ARHGAP32: variants seen among roughly 807,000 people sequenced by gnomAD.
The protein encoded by ARHGAP32 is rho GTPase-activating protein 32.
A neutral mutation model predicts 186.5 loss-of-function variants in ARHGAP32; 51 were observed. The observed-to-expected ratio is 0.27, with a 90% CI of 0.22 to 0.35. The LOEUF (loss-of-function observed/expected upper bound fraction) is 0.35. ARHGAP32 is among the 10% of genes least tolerant of loss of function. The probability of loss-of-function intolerance (pLI) is 1.00; values close to 1 mark genes in which losing one functional copy is unlikely to be tolerated. For missense variants in ARHGAP32, 2,186 were observed against 2,623.5 expected (o/e 0.83, Z 3.64); for synonymous variants, 950 against 964.3 (o/e 0.99, Z 0.27).
At chr11:128,984,594 TAA>T (rs1945807688) in intron 15 of ARHGAP32, among the ~76,000 whole-genome samples, 1 of 152,066 alleles carries the variant, frequency 6.6e-6, no homozygotes, top group Non-Finnish European at 1.5e-5. Flanking sequence ...CACACACATA[TAA>T]GTTATAGTGA....
chr11:129,151,193 A>G (rs1301702434), intron 2 of ARHGAP32, among the ~76,000 whole-genome samples: 2 of 152,206 alleles, frequency 1.3e-5, no homozygotes, highest in Non-Finnish European at 2.9e-5. Flanking sequence ...AATCCTAAAT[A>G]TATACGCACT....
At chr11:129,234,476 C>T (rs1025186935) in intron 1 of ARHGAP32, among the ~76,000 whole-genome samples, 4 of 151,806 alleles carry the variant, frequency 2.6e-5, no homozygotes, top group African/African-American at 4.8e-5. Flanking sequence ...GTTTAGGTGA[C>T]GAGCACATGA....
chr11:128,996,782 GA>G (rs1233446079), intron 12 of ARHGAP32, among the ~76,000 whole-genome samples: 3 of 151,698 alleles, frequency 2.0e-5, no homozygotes, highest in African/African-American at 7.3e-5. Context: ...CCTTTAAAAA[GA>G]AAATTTTTTT....
At chr11:129,257,585 G>A (rs1364908849) in intron 1 of ARHGAP32, among the ~76,000 whole-genome samples, 3 of 151,642 alleles carry the variant, frequency 2.0e-5, no homozygotes, top group African/African-American at 7.3e-5. Context: ...TCCAGACTGG[G>A]CAACATAACA....
intron 6 of ARHGAP32, among the ~76,000 whole-genome samples, chr11:129,079,743 C>T (rs1162016266): frequency 6.6e-6 from 1 of 152,062 alleles, no homozygotes; most frequent in Non-Finnish European, 1.5e-5. Flanking sequence ...TAGAATAGTA[C>T]ATCACATCTC....
chr11:129,044,891 A>AG (rs1939745821), intron 10 of ARHGAP32, among the ~76,000 whole-genome samples: 1 of 152,092 alleles, frequency 6.6e-6, no homozygotes, highest in African/African-American at 2.4e-5. Context: ...TTTTGGCAAA[A>AG]AAAAAAAAAA....
intron 12 of ARHGAP32, among the ~76,000 whole-genome samples, chr11:128,991,201 C>T (rs1299903777): frequency 1.6e-4 from 25 of 152,064 alleles, no homozygotes; most frequent in Admixed American, 1.6e-3. Flanking sequence ...GATAATATGT[C>T]CAAGTCTCTA....
intron 5 of ARHGAP32, among the ~76,000 whole-genome samples, chr11:129,111,430 G>A (rs1184405532): frequency 6.6e-6 from 1 of 152,200 alleles, no homozygotes; most frequent in African/African-American, 2.4e-5. Context: ...GAGTTAGGGA[G>A]AATTCTCTCC....
At chr11:129,268,149 C>T (rs1945429449) in intron 1 of ARHGAP32, among the ~76,000 whole-genome samples, 1 of 151,982 alleles carries the variant, frequency 6.6e-6, no homozygotes, top group Admixed American at 6.6e-5. Flanking sequence ...AGGGATGGGC[C>T]TGAAAAATAA....
chr11:129,252,047 CAAT>C (rs1483217701), intron 1 of ARHGAP32, among the ~76,000 whole-genome samples: 2 of 151,028 alleles, frequency 1.3e-5, no homozygotes, highest in Non-Finnish European at 3.0e-5. Flanking sequence ...ATTATAATTA[CAAT>C]AATTCAAATA....
chr11:129,158,367 G>A (rs1322987320), intron 2 of ARHGAP32, among the ~76,000 whole-genome samples: 2 of 149,898 alleles, frequency 1.3e-5, no homozygotes, highest in African/African-American at 4.9e-5. Context: ...ATAAAGGGAA[G>A]GAGGAAGATT....
chr11:129,000,261 T>C (rs918453867), intron 11 of ARHGAP32, among the ~76,000 whole-genome samples: 2 of 152,182 alleles, frequency 1.3e-5, no homozygotes, highest in African/African-American at 4.8e-5. Context: ...CACCGACTGA[T>C]ACATTAGAAA....
chr11:129,012,135 C>T (rs993358531), intron 11 of ARHGAP32, among the ~76,000 whole-genome samples: 2 of 152,110 alleles, frequency 1.3e-5, no homozygotes, highest in East Asian at 3.8e-4. Flanking sequence ...AAAAGGACCA[C>T]GTGCTTAGTG....
At chr11:129,083,353 T>TA (rs2135229447) in intron 6 of ARHGAP32, among the ~76,000 whole-genome samples, 1 of 152,208 alleles carries the variant, frequency 6.6e-6, no homozygotes, top group South Asian at 2.1e-4. Flanking sequence ...AATGAGTAGA[T>TA]AAAGAAAATG....
At chr11:129,232,321 C>A (rs370350015) in intron 1 of ARHGAP32, among the ~76,000 whole-genome samples, 14 of 152,190 alleles carry the variant, frequency 9.2e-5, no homozygotes, top group African/African-American at 2.9e-4. Context: ...AAGAAAAGCA[C>A]CTGAGTGACT....
At chr11:129,058,288 C>A (rs1940347208) in intron 10 of ARHGAP32, among the ~76,000 whole-genome samples, 3 of 151,408 alleles carry the variant, frequency 2.0e-5, no homozygotes. Context: ...ATTATTTGCC[C>A]CCATCCATAT....
At chr11:129,134,315 A>C (rs1942889239) in intron 2 of ARHGAP32, among the ~76,000 whole-genome samples, 1 of 152,180 alleles carries the variant, frequency 6.6e-6, no homozygotes, top group African/African-American at 2.4e-5. Flanking sequence ...TAAAGTTTCA[A>C]ATTTGGTACC....
rs542426829 is a variant in ARHGAP32 at position 129,043,625 on chromosome 11, T to C, written c.964-2616A>G. ...CTGGTCGTGAACTCCCAACCTCAGG[T>C]GATCTACTCACCTTGGCCTCCCAAA... On this transcript the variant is annotated intron_variant, in intron 10 of 22. Coordinates refer to ENST00000682385, the MANE Select transcript of ARHGAP32 (RefSeq NM_001378024.1). Among the ~76,000 whole-genome samples the C allele has an allele frequency of 3.9e-5, 6 of 152,174 alleles. 1 individual carries two copies. The highest frequency in any genetic ancestry group is 1.9e-4 in the East Asian group (1 of 5,160).
In ARHGAP32 at chr11:128,969,082, T is replaced by C. The variant is rs893835314; in HGVS notation, c.6131A>G (p.His2044Arg). 1 of 1,607,632 alleles carries C rather than the reference T, an allele frequency of 6.2e-7. No individual in the cohort carries two copies. Among genetic ancestry groups the C allele is most frequent in the African/African-American group, 1.3e-5 (1 of 74,686 alleles). ...VSQYDNLEDY[H>R]SLPQHQRGVF... The stretch of plus-strand genomic sequence containing the variant: ...TCCTCGCTGGTGCTGAGGCAGGGAG[T>C]GGTAATCTTCCAGGTTATCATACTG... Residue 2044 changes from histidine (H) to arginine (R), a missense_variant, in exon 23 of 23, where the codon CAC (histidine) becomes CGC (arginine). Around this residue, in one of 5 missense-constraint regions of ARHGAP32, gnomAD observed 1,502 missense variants for 1,570.0 expected, o/e 0.96. Coordinates refer to ENST00000682385, the MANE Select transcript of ARHGAP32 (RefSeq NM_001378024.1). This position sits in a 1 kb window ranked among gnomAD's most constrained non-coding sequence, Gnocchi z 4.8.
Sources: allele counts gnomAD v4.1 joint callset (sites outside exome capture counted in the v4.1 genomes callset), GRCh38; gene constraint gnomAD v4.1.1; regional missense constraint gnomAD v4.1.1; non-coding constraint Gnocchi (gnomAD v3.1); transcripts MANE v1.5; gene names NCBI Gene and HGNC (gene_info 2026-07-23, HGNC 2026-07-21).